Variants in FERRY3 observed in about 807,000 individuals in gnomAD.
FERRY3 encodes FERRY endosomal RAB5 effector complex subunit 3.
At chr12:4,533,920 T>G in the FERRY3 span, 1 of 337,398 alleles carries the variant, frequency 3.0e-6, no homozygotes, top group Non-Finnish European at 5.3e-6. Context: ...GGAGACCCTG[T>G]GCTGGTGAGA....
the FERRY3 span, among the ~76,000 whole-genome samples, chr12:4,524,252 TC>T: frequency 1.3e-5 from 2 of 152,322 alleles, no homozygotes; most frequent in East Asian, 3.9e-4. Flanking sequence ...CTGATTTTTT[TC>T]CTATTGTTAT....
chr12:4,510,927 T>G, the FERRY3 span, among the ~76,000 whole-genome samples: 1 of 152,102 alleles, frequency 6.6e-6, no homozygotes, highest in Non-Finnish European at 1.5e-5. Flanking sequence ...ATTCTCCAAT[T>G]AAAAGACACA....
At chr12:4,500,268 T>A in the FERRY3 span, 1 of 1,613,966 alleles carries the variant, frequency 6.2e-7, no homozygotes, top group Non-Finnish European at 8.5e-7. Context: ...CGATTTCACA[T>A]GGTCATCCAC....
the FERRY3 span, among the ~76,000 whole-genome samples, chr12:4,511,206 T>A: frequency 1.2e-4 from 18 of 151,858 alleles, no homozygotes; most frequent in Admixed American, 6.6e-4. Context: ...TAAATATATA[T>A]GCACTCAATA....
At chr12:4,517,364 G>T in the FERRY3 span, among the ~76,000 whole-genome samples, 1 of 151,702 alleles carries the variant, frequency 6.6e-6, no homozygotes, top group East Asian at 1.9e-4. Flanking sequence ...ATTTTGTTTT[G>T]ATTAGAGACT....
At chr12:4,522,143 CTA>C in the FERRY3 span, among the ~76,000 whole-genome samples, 1 of 152,152 alleles carries the variant, frequency 6.6e-6, no homozygotes, top group Non-Finnish European at 1.5e-5. Flanking sequence ...ATGGGGAAGA[CTA>C]TGCATTTGTA....
At chr12:4,534,041 T>C in the FERRY3 span, 2 of 1,132,078 alleles carry the variant, frequency 1.8e-6, no homozygotes, top group Non-Finnish European at 1.2e-6. Flanking sequence ...CATTATAGAA[T>C]ATTGTATGTG....
chr12:4,490,562 T>C, the FERRY3 span: 31 of 1,610,172 alleles, frequency 1.9e-5, no homozygotes, highest in Non-Finnish European at 2.6e-5. Context: ...AATTCCTCCA[T>C]CCCATGAAGC....
the FERRY3 span, among the ~76,000 whole-genome samples, chr12:4,494,245 CAG>C: frequency 3.6e-4 from 55 of 151,870 alleles, no homozygotes; most frequent in Non-Finnish European, 7.4e-5. Flanking sequence ...AAAAGATGCT[CAG>C]AGAGGTACAG....
At chr12:4,489,987 G>C in the FERRY3 span, 2 of 838,918 alleles carry the variant, frequency 2.4e-6, no homozygotes, top group South Asian at 1.7e-5. Flanking sequence ...TATGGACCTA[G>C]TTCTACTAGG....
the FERRY3 span, chr12:4,500,377 C>CT: frequency 6.4e-7 from 1 of 1,563,938 alleles, no homozygotes; most frequent in South Asian, 1.1e-5. Flanking sequence ...TACCAAATGC[C>CT]TAAGTAAGTC....
chr12:4,505,391 G>A, the FERRY3 span: 1 of 1,555,800 alleles, frequency 6.4e-7, no homozygotes, highest in South Asian at 1.1e-5. Flanking sequence ...CTATTCATAA[G>A]ACAATGCAAT....
the FERRY3 span, among the ~76,000 whole-genome samples, chr12:4,507,558 A>G: frequency 1.1e-4 from 17 of 152,342 alleles, no homozygotes; most frequent in Middle Eastern, 3.4e-3. Context: ...AGATATGCTT[A>G]CTGCTCACAC....
At chr12:4,518,843 A>G in the FERRY3 span, 408 of 1,592,916 alleles carry the variant, frequency 2.6e-4, no homozygotes, top group Admixed American at 4.7e-4. Context: ...GCTTCTACAG[A>G]TTCTCTGAAC....
At chr12:4,519,746 C>CCA in the FERRY3 span, among the ~76,000 whole-genome samples, 1 of 152,186 alleles carries the variant, frequency 6.6e-6, no homozygotes, top group Non-Finnish European at 1.5e-5. The surrounding 1 kb of genome is among the most constrained non-coding windows in gnomAD (Gnocchi z 4.3). Context: ...GCTCCACCTC[C>CCA]CATCCGCTCA....
At chr12:4,506,045 TAGA>T in the FERRY3 span, among the ~76,000 whole-genome samples, 3 of 152,248 alleles carry the variant, frequency 2.0e-5, no homozygotes, top group Non-Finnish European at 2.9e-5. Flanking sequence ...CGCTATTTCT[TAGA>T]AGAATAAATA....
the FERRY3 span, chr12:4,488,204 A>G: frequency 6.6e-6 from 1 of 152,222 alleles, no homozygotes; most frequent in African/African-American, 2.4e-5. The surrounding 1 kb of genome is among the most constrained non-coding windows in gnomAD (Gnocchi z 4.9). Flanking sequence ...CCACCAGTTT[A>G]TAAGTAACTT....
chr12:4,521,941 G>C, the FERRY3 span, among the ~76,000 whole-genome samples: 3 of 152,108 alleles, frequency 2.0e-5, no homozygotes, highest in African/African-American at 7.2e-5. Flanking sequence ...GAGCACAGAG[G>C]ATTTTTGAGT....
the FERRY3 span, among the ~76,000 whole-genome samples, chr12:4,499,868 G>A: frequency 1.3e-5 from 2 of 152,094 alleles, no homozygotes; most frequent in Non-Finnish European, 1.5e-5. Flanking sequence ...AGAAAGAGGT[G>A]TAGGGGCACA....
Sources: gnomAD v4.1 joint callset for allele counts (sites outside exome capture counted in the v4.1 genomes callset) on GRCh38, gnomAD v4.1.1 for gene constraint, Gnocchi (gnomAD v3.1) non-coding constraint, MANE v1.5 for transcripts, NCBI Gene and HGNC (gene_info 2026-07-23, HGNC 2026-07-21) for gene names.